Variants in VASN observed in about 807,000 individuals in gnomAD.
VASN encodes the protein vasorin.
A neutral mutation model predicts 4.8 loss-of-function variants in VASN; 5 were observed. The observed-to-expected ratio is 1.03, with a 90% CI of 0.54 to 2.17. The LOEUF is 2.17. Among genes scored for constraint, VASN ranks in the 30% most tolerant of loss-of-function variants. The probability of loss-of-function intolerance (pLI) is 0.01; values close to 1 mark genes in which losing one functional copy is unlikely to be tolerated. For missense variants in VASN, 927 were observed against 948.8 expected (o/e 0.98, Z 0.30); for synonymous variants, 499 against 460.8 (o/e 1.08, Z -1.06).
intron 1 of VASN, among the ~76,000 whole-genome samples, chr16:4,375,226 T>C (rs1433834688): frequency 6.6e-6 from 1 of 152,126 alleles, no homozygotes; most frequent in Non-Finnish European, 1.5e-5. Flanking sequence ...CCCACGGTGC[T>C]ACTGAAGGCA....
chr16:4,379,932 C>T (rs1274130624), intron 1 of VASN, among the ~76,000 whole-genome samples: 1 of 143,634 alleles, frequency 7.0e-6, no homozygotes, highest in African/African-American at 2.5e-5. Flanking sequence ...GTGGCTGGCA[C>T]CTGTAGTCCC....
In VASN at chr16:4,383,008, G is replaced by A. The variant is rs1292332685; in HGVS notation, c.*109G>A. ...CTCAGTCCCAACCTCGGGGATGTGT[G>A]CAGACAGGGCTGTGTGACCACAGCT... On this transcript the variant is annotated 3_prime_UTR_variant, in exon 2 of 2. Coordinates refer to ENST00000304735, the MANE Select transcript of VASN (RefSeq NM_138440.3). 4 of 1,212,044 alleles carry A rather than the reference G, an allele frequency of 3.3e-6. No individual in the cohort carries two copies. Among genetic ancestry groups the A allele is most frequent in the Non-Finnish European group, 3.4e-6 (3 of 891,078 alleles). The allele number at this position is 1,212,044 out of a possible 1,614,324, so 75.1% of individuals were successfully genotyped here.
At chr16:4,374,876 T>C (rs2054663699) in intron 1 of VASN, among the ~76,000 whole-genome samples, 1 of 152,062 alleles carries the variant, frequency 6.6e-6, no homozygotes. Context: ...GACTAAGGTG[T>C]TCTTCTGGCA....
At chr16:4,373,688 A>G (rs1376616454) in intron 1 of VASN, among the ~76,000 whole-genome samples, 1 of 152,154 alleles carries the variant, frequency 6.6e-6, no homozygotes, top group African/African-American at 2.4e-5. Flanking sequence ...AGCTGGGACA[A>G]GTCCCAAGTA....
At chr16:4,373,685 ACAAGTCC>A (rs1171551022) in intron 1 of VASN, among the ~76,000 whole-genome samples, 2 of 152,116 alleles carry the variant, frequency 1.3e-5, no homozygotes, top group African/African-American at 2.4e-5. Flanking sequence ...GGGAGCTGGG[ACAAGTCC>A]CAAGTACAGA....
Position 4,382,515 on chromosome 16 carries a change from CGAG to C in VASN, c.1643_1645del (p.Glu548del). 6.3e-7 allele frequency: 1 copy of C among 1,592,150 alleles called. No homozygotes were observed. The highest frequency in any genetic ancestry group is 1.1e-5 in the South Asian group (1 of 88,264). ...TGGGGCCCGGGCGGGTGCCGGAGGG[CGAG>C]GAGGCCTGCGGGGAGGCCCATACAC... On this transcript the variant is annotated inframe_deletion, in exon 2 of 2. Coordinates refer to ENST00000304735, the MANE Select transcript of VASN (RefSeq NM_138440.3).
chr16:4,383,046 C>T lies in VASN; in HGVS notation c.*147C>T. 1 of 884,158 alleles carries T rather than the reference C, an allele frequency of 1.1e-6. No individual in the cohort carries two copies. Among genetic ancestry groups the T allele is most frequent in the Non-Finnish European group, 1.7e-6 (1 of 603,284 alleles). The allele number at this position is 884,158 out of a possible 1,614,324, so 54.8% of individuals were successfully genotyped here. A position where few individuals can be genotyped will look rare whatever the true frequency, so the allele number is the denominator to read the frequency against. ...TGTGACCACAGCTGGGCCCTGTTCCCTCTGGACCTCGGTCTCCTCATCTGT... is the reference window on the plus strand; with the variant it reads ...TGTGACCACAGCTGGGCCCTGTTCCTTCTGGACCTCGGTCTCCTCATCTGT... On this transcript the variant is annotated 3_prime_UTR_variant, in exon 2 of 2. Transcript: ENST00000304735.
At chr16:4,380,294 A>G (rs1289631313) in intron 1 of VASN, among the ~76,000 whole-genome samples, 1 of 152,120 alleles carries the variant, frequency 6.6e-6, no homozygotes, top group African/African-American at 2.4e-5. Flanking sequence ...GGCGGCCCGC[A>G]GCCCCCAGCC....
chr16:4,372,285 T>C (rs968704924), intron 1 of VASN, among the ~76,000 whole-genome samples: 6 of 152,146 alleles, frequency 3.9e-5, no homozygotes, highest in Admixed American at 2.0e-4. Context: ...TGCTTCCTCC[T>C]CCCACGGCTG....
chr16:4,376,271 G>A (rs1244960339), intron 1 of VASN, among the ~76,000 whole-genome samples: 2 of 152,204 alleles, frequency 1.3e-5, no homozygotes, highest in South Asian at 2.1e-4. Flanking sequence ...ACACGTCAGC[G>A]AAACTGGAGC....
rs779581052 is a variant in VASN at position 4,382,566 on chromosome 16, C to T, written c.1689C>T (p.His563=). 4.0e-5 allele frequency: 63 copies of T among 1,592,962 alleles called. No homozygotes were observed. Among genetic ancestry groups the T allele is most frequent in the Admixed American group, 8.6e-5 (5 of 58,262 alleles). The change falls in exon 2 of 2, where the codon CAC becomes CAT. Residue 563 remains histidine, a synonymous_variant. Coordinates refer to ENST00000304735, the MANE Select transcript of VASN (RefSeq NM_138440.3). ...CACCCCCAGCCGTCCACTCCAACCA[C>T]GCCCCAGTCACCCAGGCCCGCGAGG... ...AHTPPAVHSN[H]APVTQAREGN...
In VASN at chr16:4,382,762, G is replaced by A. The variant is rs926450622; in HGVS notation, c.1885G>A (p.Val629Ile). ...GCCCCTGGAACTGGAGGGAGTGAAG[G>A]TCCCCTTGGAGCCAGGCCCGAAGGC... ...AGPLELEGVK[V>I]PLEPGPKATE... Residue 629 changes from valine (V) to isoleucine (I), a missense_variant, in exon 2 of 2, where the codon GTC (valine) becomes ATC (isoleucine). By Grantham distance (29) the Val-to-Ile change is conservative. Transcript: ENST00000304735. 29 of 1,563,996 alleles carry A rather than the reference G, an allele frequency of 1.9e-5. 1 individual carries two copies. In the Admixed American group the frequency reaches 5.1e-4, roughly 28 times the overall value.
In VASN at chr16:4,378,146, G is replaced by C. The variant is rs1447452149; in HGVS notation, c.-9-2723G>C. 3.3e-5 allele frequency among the ~76,000 whole-genome samples: 5 copies of C among 152,156 alleles called. No individual in the cohort carries two copies. The East Asian group carries it at 9.6e-4, about 29-fold the overall frequency. On this transcript the variant is annotated intron_variant, in intron 1 of 1. Coordinates refer to ENST00000304735, the MANE Select transcript of VASN (RefSeq NM_138440.3). ...TGCACACCTGGCCTTGCAGGGCTGA[G>C]GACTCCACATGCATCCCCCACTGCA...
At chr16:4,379,137 G>C (rs1432170340) in intron 1 of VASN, among the ~76,000 whole-genome samples, 6 of 151,912 alleles carry the variant, frequency 3.9e-5, no homozygotes, top group Admixed American at 3.9e-4. Context: ...GCCTGGGGCG[G>C]AGTGCAGGCT....
chr16:4,381,024 C>T lies in VASN; in HGVS notation c.147C>T (p.Asp49=), dbSNP rs1436122254. ...TARQGTTVPR[D]VPPDTVGLYV... ...GCCAGGGGACCACGGTGCCCCGAGA[C>T]GTGCCACCCGACACGGTGGGGCTGT... The change falls in exon 2 of 2, where the codon GAC becomes GAT. Residue 49 remains aspartate, a synonymous_variant. Coordinates refer to ENST00000304735, the MANE Select transcript of VASN (RefSeq NM_138440.3). 6.2e-6 allele frequency: 10 copies of T among 1,609,944 alleles called. No homozygotes were observed. The highest frequency in any genetic ancestry group is 1.1e-5 in the South Asian group (1 of 90,636).
chr16:4,380,423 G>A (rs897148225), intron 1 of VASN, among the ~76,000 whole-genome samples: 2 of 152,230 alleles, frequency 1.3e-5, no homozygotes, highest in Non-Finnish European at 2.9e-5. Context: ...GCAGGAGCCG[G>A]CGGCCAAGGC....
Position 4,380,998 on chromosome 16 carries a change from C to G in VASN, c.121C>G (p.Arg41Gly). ...SQPQTVFCTA[R>G]QGTTVPRDVP... ...GCCACAGACAGTCTTCTGCACTGCC[C>G]GCCAGGGGACCACGGTGCCCCGAGA... Residue 41 changes from arginine (R) to glycine (G), a missense_variant, in exon 2 of 2, where the codon CGC (arginine) becomes GGC (glycine). Transcript: ENST00000304735. The G allele has an allele frequency of 6.2e-7, 1 of 1,607,920 alleles. No homozygotes were observed. The highest frequency in any genetic ancestry group is 1.7e-4 in the Middle Eastern group (1 of 6,052).
chr16:4,376,940 G>A (rs1056035884), intron 1 of VASN, among the ~76,000 whole-genome samples: 2 of 152,182 alleles, frequency 1.3e-5, no homozygotes, highest in Admixed American at 6.5e-5. Context: ...AGAGTTCTGC[G>A]TTTATGAGTG....
intron 1 of VASN, among the ~76,000 whole-genome samples, chr16:4,376,861 G>A (rs977687257): frequency 6.6e-6 from 1 of 152,194 alleles, no homozygotes; most frequent in Non-Finnish European, 1.5e-5. Context: ...TTGGTGTGGG[G>A]ATGTCTGATC....
Sources: gnomAD v4.1 joint callset for allele counts (sites outside exome capture counted in the v4.1 genomes callset) on GRCh38, gnomAD v4.1.1 for gene constraint, MANE v1.5 for transcripts, NCBI Gene and HGNC (gene_info 2026-07-23, HGNC 2026-07-21) for gene names.